KSR2: variants seen among roughly 807,000 people sequenced by gnomAD.
The protein encoded by KSR2 is kinase suppressor of ras 2.
Under a neutral mutation model 107.8 loss-of-function variants are expected in KSR2, and 25 were observed. The ratio of observed to expected loss-of-function variants is 0.23; its 90% CI spans 0.17 to 0.32. The LOEUF (loss-of-function observed/expected upper bound fraction) is 0.32, where lower values mean the gene tolerates loss of function less well. Among genes scored for constraint, KSR2 ranks in the 10% least tolerant of loss-of-function variants. KSR2 has a pLI of 1.00. For synonymous variants in KSR2, 480 were observed against 507.0 expected, an observed-to-expected ratio of 0.95 and a Z score of 0.71; for missense variants, 887 against 1,268.9, an observed-to-expected ratio of 0.70 and a Z score of 4.57.
chr12:117,639,308 T>TTTA (rs959495583), intron 5 of KSR2, among the ~76,000 whole-genome samples: 6 of 151,362 alleles, frequency 4.0e-5, no homozygotes, highest in Non-Finnish European at 7.4e-5. Context: ...GACACACTAG[T>TTTA]TTATTATTAT....
intron 14 of KSR2, among the ~76,000 whole-genome samples, chr12:117,519,383 G>A (rs1874593337): frequency 6.6e-6 from 1 of 152,096 alleles, no homozygotes; most frequent in Admixed American, 6.6e-5. Flanking sequence ...TTCCATATAG[G>A]GCTTCTTAAA....
intron 5 of KSR2, among the ~76,000 whole-genome samples, chr12:117,607,462 C>T (rs1192083616): frequency 6.6e-6 from 1 of 152,174 alleles, no homozygotes; most frequent in Non-Finnish European, 1.5e-5. Flanking sequence ...CTCCGAACTG[C>T]CGAGTCTGCA....
At chr12:117,484,640 C>T (rs1246227823) in intron 15 of KSR2, 91 bp from the exon 16 acceptor site, 1 of 1,350,896 alleles carries the variant, frequency 7.4e-7, no homozygotes, top group Non-Finnish European at 1.0e-6. Context: ...GTCCTGAAGA[C>T]TTGGCTCCCT....
chr12:117,705,811 CT>C, intron 4 of KSR2, among the ~76,000 whole-genome samples: 1 of 152,276 alleles, frequency 6.6e-6, no homozygotes, highest in African/African-American at 2.4e-5. Context: ...GCTGGGAAAT[CT>C]GGGCAGCTGG....
intron 5 of KSR2, among the ~76,000 whole-genome samples, chr12:117,654,182 G>C (rs568699422): frequency 6.6e-6 from 1 of 152,284 alleles, no homozygotes; most frequent in Non-Finnish European, 1.5e-5. Context: ...TCATGAACTG[G>C]GTGCTTTCTG....
intron 9 of KSR2, 47 bp downstream of exon 9, chr12:117,555,122 G>A (rs1357398895): frequency 6.2e-6 from 10 of 1,612,012 alleles, no homozygotes; most frequent in African/African-American, 1.3e-5. Flanking sequence ...CCCTCACCCA[G>A]CAGTGCCAGC....
At chr12:117,567,995 T>A (rs1385794548) in intron 7 of KSR2, among the ~76,000 whole-genome samples, 1 of 152,108 alleles carries the variant, frequency 6.6e-6, no homozygotes, top group African/African-American at 2.4e-5. Flanking sequence ...CTCAGTGGGG[T>A]CTAGCTCTTT....
At chr12:117,654,763 T>C (rs1351903039) in intron 5 of KSR2, among the ~76,000 whole-genome samples, 1 of 152,214 alleles carries the variant, frequency 6.6e-6, no homozygotes, top group South Asian at 2.1e-4. Context: ...AAGATATTTG[T>C]ATCCCATGTG....
chr12:117,536,923 T>C (rs7342408), intron 10 of KSR2, among the ~76,000 whole-genome samples: 40,820 of 152,178 alleles, frequency 0.27, 6,247 homozygotes, highest in Admixed American at 0.44. Context: ...CATTTAAAAC[T>C]TTAACAGGGC....
chr12:117,759,101 A>C (rs1182133433), intron 4 of KSR2, among the ~76,000 whole-genome samples: 1 of 152,226 alleles, frequency 6.6e-6, no homozygotes, highest in Admixed American at 6.5e-5. Context: ...TACGTCTTCA[A>C]GCTAGGTTTC....
At chr12:117,640,395 CA>C (rs1883303206) in intron 5 of KSR2, among the ~76,000 whole-genome samples, 8 of 152,008 alleles carry the variant, frequency 5.3e-5, no homozygotes, top group Non-Finnish European at 1.5e-5. Context: ...GGATTACAGG[CA>C]TGTGCCACCA....
At chr12:117,778,662 A>G (rs141975382) in intron 3 of KSR2, among the ~76,000 whole-genome samples, 1 of 152,268 alleles carries the variant, frequency 6.6e-6, no homozygotes, top group Non-Finnish European at 1.5e-5. Context: ...GCTGGGAAGA[A>G]TGGGCTCTCT....
At chr12:117,601,451 C>T (rs781132204) in intron 5 of KSR2, among the ~76,000 whole-genome samples, 15 of 152,106 alleles carry the variant, frequency 9.9e-5, no homozygotes, top group Non-Finnish European at 2.1e-4. Flanking sequence ...GGGCCCTAAT[C>T]CAAGACTTCT....
At chr12:117,881,681 C>T (rs1009506512) in intron 1 of KSR2, among the ~76,000 whole-genome samples, 1 of 152,216 alleles carries the variant, frequency 6.6e-6, no homozygotes, top group African/African-American at 2.4e-5. Context: ...GGTCAGCTGA[C>T]TTGCCTTGCA....
intron 1 of KSR2, among the ~76,000 whole-genome samples, chr12:117,937,393 T>C (rs1031517474): frequency 1.3e-5 from 2 of 152,064 alleles, no homozygotes; most frequent in Admixed American, 1.3e-4. Flanking sequence ...ATCTTGCCCA[T>C]CTATTATTAT....
intron 4 of KSR2, among the ~76,000 whole-genome samples, chr12:117,750,911 T>A (rs9651909): frequency 0.23 from 35,032 of 152,144 alleles, 5,037 homozygotes; most frequent in African/African-American, 0.39. Flanking sequence ...CCACCATGGA[T>A]GGGGACCTAG....
rs113047651 is a variant in KSR2, at chr12:117,911,157, TTC to T, written c.181-50728_181-50727del. On this transcript the variant is annotated intron_variant, in intron 1 of 19. Transcript: ENST00000339824. The stretch of plus-strand genomic sequence containing the variant: ...TCCCTCTCTCACTTGCACACATTCT[TTC>T]TCTCTCTCTCTCTCTCACACACACA... 1.1e-4 allele frequency among the ~76,000 whole-genome samples: 16 copies of T among 144,322 alleles called. 1 individual carries two copies. Among genetic ancestry groups the T allele is most frequent in the Admixed American group, 3.4e-4 (5 of 14,544 alleles). 94.7% of individuals were successfully genotyped at this position (144,322 alleles called of 152,430 possible).
intron 1 of KSR2, among the ~76,000 whole-genome samples, chr12:117,941,613 CTTTTTTTTTTTTTTTTT>C (rs139487553): frequency 1.9e-5 from 1 of 52,926 alleles, no homozygotes; most frequent in Non-Finnish European, 3.2e-5. Flanking sequence ...ACAGGCTTTC[CTTTTTTTTTTTTTTTTT>C]TTTTTTTTTT....
chr12:117,831,867 T>A (rs1891983647), intron 3 of KSR2, among the ~76,000 whole-genome samples: 1 of 152,166 alleles, frequency 6.6e-6, no homozygotes, highest in African/African-American at 2.4e-5. Flanking sequence ...AATGCATAGG[T>A]CAATTGCCCA....
Sources: allele counts gnomAD v4.1 joint callset (sites outside exome capture counted in the v4.1 genomes callset), GRCh38; gene constraint gnomAD v4.1.1; transcripts MANE v1.5; gene names NCBI Gene and HGNC (gene_info 2026-07-23, HGNC 2026-07-21).